Variants in TLL2 observed in about 807,000 individuals in gnomAD.
TLL2 encodes the protein tolloid like 2.
TLL2 carries 106 observed loss-of-function variants against 123.0 expected under a neutral mutation model. The observed-to-expected ratio is 0.86, with a 90% CI of 0.74 to 1.01. The LOEUF is 1.01. TLL2 is among the 50% of genes least tolerant of loss of function. The probability of loss-of-function intolerance (pLI) is 0.00; values close to 1 mark genes in which losing one functional copy is unlikely to be tolerated. For synonymous variants in TLL2, 494 were observed against 516.8 expected (o/e 0.96, Z 0.60); for missense variants, 1,332 against 1,336.7 (o/e 1.00, Z 0.06).
rs566008182 is a variant in TLL2 at position 96,368,829 on chromosome 10, G to A, written c.2914-607C>T. On this transcript the variant is annotated intron_variant, in intron 20 of 20. Transcript: ENST00000357947. ...ACGTTCCAAGGCTGTTGCCTGCGAG[G>A]TTCTAGTGGAGCCAAAGTGGGCTTC... 3.9e-5 allele frequency among the ~76,000 whole-genome samples: 6 copies of A among 152,316 alleles called. No homozygotes were observed. In the South Asian group the frequency reaches 1.2e-3, roughly 32 times the overall value.
chr10:96,483,413 T>C (rs546406790), intron 1 of TLL2, among the ~76,000 whole-genome samples: 1 of 152,368 alleles, frequency 6.6e-6, no homozygotes, highest in East Asian at 1.9e-4. Flanking sequence ...TCCAGCCTGA[T>C]TTCAGAACTG....
chr10:96,368,374 A>G, intron 20 of TLL2, 152 bp from the exon 21 acceptor site: 23 of 897,478 alleles, frequency 2.6e-5, no homozygotes, highest in Non-Finnish European at 3.3e-5. Context: ...TTTTCAAAAG[A>G]AAACATTGCA....
intron 20 of TLL2, among the ~76,000 whole-genome samples, chr10:96,368,994 G>GA (rs1190357408): frequency 6.6e-6 from 1 of 152,254 alleles, no homozygotes; most frequent in East Asian, 1.9e-4. Context: ...GAAAGAAGAT[G>GA]AAGGGAATTA....
chr10:96,430,315 A>G (rs1322598494), intron 4 of TLL2, among the ~76,000 whole-genome samples: 2 of 152,160 alleles, frequency 1.3e-5, no homozygotes, highest in East Asian at 3.8e-4. Context: ...CCACCATGTG[A>G]TGTTCTGGCT....
intron 2 of TLL2, among the ~76,000 whole-genome samples, chr10:96,450,616 A>G (rs183403619): frequency 3.3e-5 from 5 of 152,320 alleles, no homozygotes; most frequent in African/African-American, 9.6e-5. Flanking sequence ...AGACACTTTG[A>G]ACACTAGCAA....
At chr10:96,506,504 C>T (rs1847581775) in intron 1 of TLL2, among the ~76,000 whole-genome samples, 1 of 151,198 alleles carries the variant, frequency 6.6e-6, no homozygotes, top group Non-Finnish European at 1.5e-5. Context: ...ATGAGATGCC[C>T]TGCTGACCTG....
rs1455339438 is a variant in TLL2 at position 96,368,335 on chromosome 10, A to C, written c.2914-113T>G. 3 of 1,280,188 alleles carry C rather than the reference A, an allele frequency of 2.3e-6. No individual in the cohort carries two copies. The African/African-American group carries it at 4.5e-5, about 19-fold the overall frequency. The allele number at this position is 1,280,188 out of a possible 1,614,324, so 79.3% of individuals were successfully genotyped here. On this transcript the variant is annotated intron_variant, in intron 20 of 20. Coordinates refer to ENST00000357947, the MANE Select transcript of TLL2 (RefSeq NM_012465.4). The stretch of plus-strand genomic sequence containing the variant: ...ACACAGGATGTGTCTCTGGTACCAG[A>C]GACTCTGAAGGGCATCCAAACAAGC...
chr10:96,414,249 A>G (rs891364853), intron 7 of TLL2, among the ~76,000 whole-genome samples: 1 of 152,112 alleles, frequency 6.6e-6, no homozygotes, highest in African/African-American at 2.4e-5. Flanking sequence ...CATCTCCTCC[A>G]GTCACCACCT....
chr10:96,473,317 T>C (rs1164154610), intron 2 of TLL2, among the ~76,000 whole-genome samples: 5 of 152,054 alleles, frequency 3.3e-5, no homozygotes, highest in African/African-American at 1.2e-4. Context: ...TAGCTGGGCA[T>C]GGTGATGGGC....
intron 9 of TLL2, 113 bp downstream of exon 9, chr10:96,410,246 G>A: frequency 1.4e-6 from 1 of 723,776 alleles, no homozygotes; most frequent in East Asian, 2.7e-5. Flanking sequence ...CTGGCATACA[G>A]TGGGTGCTTA....
intron 1 of TLL2, among the ~76,000 whole-genome samples, chr10:96,499,140 C>T (rs1847507416): frequency 6.6e-6 from 1 of 152,216 alleles, no homozygotes; most frequent in Admixed American, 6.5e-5. Context: ...GATTGCTCTT[C>T]CTGGTTCCAG....
Position 96,420,951 on chromosome 10 carries a change from C to T in TLL2, c.923+5G>A, listed in dbSNP as rs1433656844. 1 of 1,613,660 alleles carries T rather than the reference C, an allele frequency of 6.2e-7. No homozygotes were observed. Among genetic ancestry groups the T allele is most frequent in the Admixed American group, 1.7e-5 (1 of 59,994 alleles). On this transcript the variant is annotated splice_donor_5th_base_variant and intron_variant, in intron 7 of 20. Transcript: ENST00000357947. ...CACAGACGAGGCATAAGCATAGATTCCGACCTTGAGAAGGTGTTCCGGGCG... is the reference window on the plus strand; with the variant it reads ...CACAGACGAGGCATAAGCATAGATTTCGACCTTGAGAAGGTGTTCCGGGCG...
chr10:96,388,482 G>A (rs753657141), intron 13 of TLL2, among the ~76,000 whole-genome samples: 5 of 152,232 alleles, frequency 3.3e-5, no homozygotes, highest in Admixed American at 6.5e-5. Context: ...ACATCTATGA[G>A]TTGGTAAAGA....
intron 17 of TLL2, 64 bp downstream of exon 17, chr10:96,378,903 C>G: frequency 6.2e-7 from 1 of 1,600,062 alleles, no homozygotes; most frequent in Non-Finnish European, 8.5e-7. Context: ...TGCACATGCA[C>G]ACAGGGGCAT....
At chr10:96,494,441 C>T (rs1847450557) in intron 1 of TLL2, among the ~76,000 whole-genome samples, 2 of 152,332 alleles carry the variant, frequency 1.3e-5, no homozygotes, top group African/African-American at 2.4e-5. Context: ...CCTGCCCTGC[C>T]CCAGGGCTTG....
intron 2 of TLL2, among the ~76,000 whole-genome samples, chr10:96,471,014 G>A (rs1403962522): frequency 1.3e-5 from 2 of 151,732 alleles, no homozygotes; most frequent in African/African-American, 2.4e-5. Context: ...TTTTTTTGAG[G>A]GGGGAGACAA....
rs774023542 is a variant in TLL2, at chr10:96,421,035, C to T, written c.844G>A (p.Glu282Lys). 1.9e-6 allele frequency: 3 copies of T among 1,614,104 alleles called. No homozygotes were observed. Among genetic ancestry groups the T allele is most frequent in the Non-Finnish European group, 1.7e-6 (2 of 1,179,980 alleles). The change falls in exon 7 of 21, where the codon GAA becomes AAA. Residue 282 changes from glutamate to lysine, a missense_variant. By Grantham distance (56) the Glu-to-Lys change is moderately conservative. Coordinates refer to ENST00000357947, the MANE Select transcript of TLL2 (RefSeq NM_012465.4). ...PGQEYNFLKM[E>K]AGEVSSLGET... ...CCCAGAGAGCTCACTTCCCCAGCTT[C>T]CATTTTTAAGAAATTATACTCCTGA...
intron 5 of TLL2, 41 bp downstream of exon 5, chr10:96,428,590 C>A (rs371970608): frequency 1.5e-6 from 2 of 1,319,106 alleles, no homozygotes; most frequent in South Asian, 1.2e-5. Context: ...ATGAGCCATC[C>A]GACTGATTCT....
chr10:96,423,605 T>A (rs575578324), intron 5 of TLL2, among the ~76,000 whole-genome samples: 1 of 152,302 alleles, frequency 6.6e-6, no homozygotes, highest in Non-Finnish European at 1.5e-5. Flanking sequence ...GGGGAGAGGA[T>A]GACAAGCAAA....
Sources: allele counts gnomAD v4.1 joint callset (sites outside exome capture counted in the v4.1 genomes callset), GRCh38; gene constraint gnomAD v4.1.1; transcripts MANE v1.5; gene names NCBI Gene and HGNC (gene_info 2026-07-23, HGNC 2026-07-21).